The following ZNF804B variants were observed in gnomAD, a reference collection of about 807,000 sequenced individuals.
ZNF804B encodes the protein zinc finger protein 804B.
Under a neutral mutation model 101.4 loss-of-function variants are expected in ZNF804B, and 80 were observed. That is an observed-to-expected ratio of 0.79 (90% CI 0.66 to 0.95). ZNF804B has a LOEUF of 0.95. Among genes scored for constraint, ZNF804B ranks in the 40% least tolerant of loss-of-function variants. The pLI is 0.00. For missense variants in ZNF804B, 1,673 were observed against 1,561.9 expected (o/e 1.07, Z -1.20); for synonymous variants, 622 against 558.8 (o/e 1.11, Z -1.59).
Position 88,985,452 on chromosome 7 carries a change from G to A in ZNF804B, c.108+225368G>A, listed in dbSNP as rs996462321. ...GTCTGTGGACTATTAGGACAGAACC[G>A]CTTGTTTGAGATGCAAGGTCAGAGT... On this transcript the variant is annotated intron_variant, in intron 1 of 3. Transcript: ENST00000333190. 5.3e-5 allele frequency among the ~76,000 whole-genome samples: 8 copies of A among 152,124 alleles called. No homozygotes were observed. The East Asian group carries it at 7.8e-4, about 15-fold the overall frequency.
intron 2 of ZNF804B, among the ~76,000 whole-genome samples, chr7:89,321,132 C>T (rs1302908235): frequency 2.0e-5 from 3 of 152,032 alleles, no homozygotes; most frequent in Non-Finnish European, 4.4e-5. Flanking sequence ...TGAAAATATA[C>T]ATTAATATTA....
intron 1 of ZNF804B, among the ~76,000 whole-genome samples, chr7:88,845,137 GT>G (rs1299396000): frequency 2.0e-5 from 3 of 152,182 alleles, no homozygotes; most frequent in Non-Finnish European, 4.4e-5. Flanking sequence ...GGAAAAGCAT[GT>G]AGCAATAGCT....
At chr7:89,172,968 A>G (rs948186003) in intron 1 of ZNF804B, among the ~76,000 whole-genome samples, 1 of 152,134 alleles carries the variant, frequency 6.6e-6, no homozygotes, top group Non-Finnish European at 1.5e-5. Flanking sequence ...GGAGTATAGT[A>G]TGTCTAGTGG....
intron 2 of ZNF804B, among the ~76,000 whole-genome samples, chr7:89,246,174 T>C (rs1789442640): frequency 6.6e-6 from 1 of 152,052 alleles, no homozygotes; most frequent in African/African-American, 2.4e-5. Context: ...ACTAGAACAA[T>C]AGAAAGTGTC....
At chr7:88,891,622 A>ATT (rs201823667) in intron 1 of ZNF804B, among the ~76,000 whole-genome samples, 1 of 147,446 alleles carries the variant, frequency 6.8e-6, no homozygotes, top group African/African-American at 2.5e-5. Context: ...TTCTAAGTAG[A>ATT]TTTTTTTTTT....
chr7:89,094,953 T>A (rs965621115), intron 1 of ZNF804B, among the ~76,000 whole-genome samples: 16 of 152,172 alleles, frequency 1.1e-4, no homozygotes, highest in African/African-American at 3.6e-4. Context: ...TTTCAATAAA[T>A]ACGAAAGTTA....
chr7:89,038,799 G>T (rs1788967443), intron 1 of ZNF804B, among the ~76,000 whole-genome samples: 1 of 152,006 alleles, frequency 6.6e-6, no homozygotes, highest in Admixed American at 6.6e-5. Context: ...AAGTCTTCCT[G>T]TTAAGTTTTT....
intron 1 of ZNF804B, among the ~76,000 whole-genome samples, chr7:88,871,722 G>C (rs1443002172): frequency 1.3e-5 from 2 of 152,138 alleles, no homozygotes; most frequent in African/African-American, 4.8e-5. Flanking sequence ...CCAGCACTTT[G>C]GAAGGCCAAG....
intron 2 of ZNF804B, among the ~76,000 whole-genome samples, chr7:89,280,208 A>G (rs1562935609): frequency 6.6e-6 from 1 of 152,038 alleles, no homozygotes; most frequent in Non-Finnish European, 1.5e-5. Flanking sequence ...CTTTGAAACC[A>G]ATGAGAACAA....
intron 1 of ZNF804B, among the ~76,000 whole-genome samples, chr7:88,999,361 TA>T (rs1433907787): frequency 6.6e-6 from 1 of 152,052 alleles, no homozygotes; most frequent in Admixed American, 6.6e-5. Flanking sequence ...GTGAGGATGT[TA>T]AAACTTGACA....
chr7:89,305,936 T>G (rs189886811), intron 2 of ZNF804B, among the ~76,000 whole-genome samples: 1 of 152,134 alleles, frequency 6.6e-6, no homozygotes, highest in Admixed American at 6.6e-5. Context: ...TTGCTTTGTT[T>G]AGGAAAATTA....
intron 1 of ZNF804B, among the ~76,000 whole-genome samples, chr7:89,052,855 T>C (rs1435638291): frequency 6.6e-6 from 1 of 152,162 alleles, no homozygotes; most frequent in East Asian, 1.9e-4. Flanking sequence ...AGTTTAAGAG[T>C]GTATGAACAC....
At chr7:88,978,826 C>T (rs1793655188) in intron 1 of ZNF804B, among the ~76,000 whole-genome samples, 1 of 145,538 alleles carries the variant, frequency 6.9e-6, no homozygotes, top group Admixed American at 6.9e-5. Context: ...CTCCCTCCTT[C>T]CTTCCTTCTT....
chr7:88,882,336 CCA>C (rs1792055644), intron 1 of ZNF804B, among the ~76,000 whole-genome samples: 1 of 152,034 alleles, frequency 6.6e-6, no homozygotes, highest in South Asian at 2.1e-4. Context: ...CCATTTCACA[CCA>C]GTTAGAATTG....
At position 89,335,274 on chromosome 7, in the gene ZNF804B, C is replaced by T. The variant is rs2116005783; in HGVS notation, c.2292C>T (p.Tyr764=). The change falls in exon 4 of 4, where the codon TAC becomes TAT. Residue 764 remains tyrosine (Y), a synonymous_variant. Transcript: ENST00000333190. ...AATGTCTAAAGCACAACTGCTTCTA[C>T]TTGTCTGATGATATAACAAAGAGCA... ...KRKCLKHNCF[Y]LSDDITKSSQ... 1 of 1,613,744 alleles carries T rather than the reference C, an allele frequency of 6.2e-7. No homozygotes were observed. Among genetic ancestry groups the T allele is most frequent in the Non-Finnish European group, 8.5e-7 (1 of 1,179,946 alleles).
At chr7:88,921,262 C>A (rs1467311232) in intron 1 of ZNF804B, among the ~76,000 whole-genome samples, 2 of 151,926 alleles carry the variant, frequency 1.3e-5, no homozygotes, top group Admixed American at 6.6e-5. Flanking sequence ...AGACAAAAAA[C>A]TGGATGGTGA....
rs778393912 is a variant in ZNF804B at position 89,334,431 on chromosome 7, G to A, written c.1449G>A (p.Lys483=). 5 of 1,613,646 alleles carry A rather than the reference G, an allele frequency of 3.1e-6. No homozygotes were observed. In the Admixed American group the frequency reaches 6.7e-5, roughly 22 times the overall value. The stretch of plus-strand genomic sequence containing the variant: ...GCAACCCACTGTATTTTGATTTTAA[G>A]CTTTCTCGGAACACAAAGGAAGACC... ...YGCNPLYFDF[K]LSRNTKEDHN... The change falls in exon 4 of 4, where the codon AAG becomes AAA. Residue 483 remains lysine, a synonymous_variant. Transcript: ENST00000333190.
intron 1 of ZNF804B, among the ~76,000 whole-genome samples, chr7:88,925,682 A>G (rs1051932146): frequency 3.3e-5 from 5 of 152,218 alleles, no homozygotes; most frequent in African/African-American, 1.2e-4. Flanking sequence ...CCCTTCTCCA[A>G]GAAGCTGAGG....
rs115052407 is a variant in ZNF804B at position 89,033,530 on chromosome 7, C to T, written c.109-184625C>T. ...ATTCTATTTTTAGTATTTTGTGGAA[C>T]CTACACACAGTTTTCCATAATTAAT... On this transcript the variant is annotated intron_variant, in intron 1 of 3. Transcript: ENST00000333190. Among the ~76,000 whole-genome samples, 467 of 152,088 alleles carry T rather than the reference C, an allele frequency of 3.1e-3. 1 individual carries two copies. Among genetic ancestry groups the T allele is most frequent in the African/African-American group, 0.011 (448 of 41,502 alleles).
Sources: gnomAD v4.1 joint callset for allele counts (sites outside exome capture counted in the v4.1 genomes callset) on GRCh38, gnomAD v4.1.1 for gene constraint, MANE v1.5 for transcripts, NCBI Gene and HGNC (gene_info 2026-07-23, HGNC 2026-07-21) for gene names.